Variants in PACSIN2 observed in about 807,000 individuals in gnomAD.
PACSIN2 encodes the protein protein kinase C and casein kinase substrate in neurons protein 2.
Under a neutral mutation model 63.8 loss-of-function variants are expected in PACSIN2, and 25 were observed. The observed-to-expected ratio is 0.39, with a 90% CI of 0.29 to 0.55. PACSIN2 has a LOEUF of 0.55. Among genes scored for constraint, PACSIN2 ranks in the 20% least tolerant of loss-of-function variants. The probability of loss-of-function intolerance (pLI) is 0.62; values close to 1 mark genes in which losing one functional copy is unlikely to be tolerated. For missense variants in PACSIN2, 518 were observed against 646.9 expected, an observed-to-expected ratio of 0.80 and a Z score of 2.16; for synonymous variants, 255 against 256.2, an observed-to-expected ratio of 1.00 and a Z score of 0.05.
chr22:42,995,490 C>A lies in PACSIN2; in HGVS notation c.-78+19531G>T, dbSNP rs1923335411. ...TTTAAAGCAACTTTTCAGGAAGTTA[C>A]TCTGTCCATTGGGCAGGACCTTAAA... On this transcript the variant is annotated intron_variant, in intron 1 of 10. Transcript: ENST00000263246. 2.6e-5 allele frequency among the ~76,000 whole-genome samples: 4 copies of A among 152,154 alleles called. No individual in the cohort carries two copies. In the South Asian group the frequency reaches 8.3e-4, roughly 31 times the overall value.
intron 1 of PACSIN2, among the ~76,000 whole-genome samples, chr22:42,955,733 A>C (rs1168137316): frequency 6.6e-6 from 1 of 152,212 alleles, no homozygotes; most frequent in East Asian, 1.9e-4. Flanking sequence ...CCTGCACAGT[A>C]ATGGTAGGAT....
chr22:42,907,167 G>A (rs1327006971), intron 2 of PACSIN2, among the ~76,000 whole-genome samples: 1 of 152,186 alleles, frequency 6.6e-6, no homozygotes, highest in East Asian at 1.9e-4. Flanking sequence ...TGGAGCCCAG[G>A]GCAGAGCTTC....
At position 42,882,168 on chromosome 22, in the gene PACSIN2, C is replaced by T; in HGVS notation, c.906+16G>A. 3 of 1,613,842 alleles carry T rather than the reference C, an allele frequency of 1.9e-6. No individual in the cohort carries two copies. Among genetic ancestry groups the T allele is most frequent in the Non-Finnish European group, 2.5e-6 (3 of 1,179,956 alleles). ...TCTTCCAGGCTGATGAGCTCATGGG[C>T]ACACCCTCCTCTTACCTCAAACTGC... On this transcript the variant is annotated intron_variant, in intron 7 of 10. Coordinates refer to ENST00000263246, the MANE Select transcript of PACSIN2 (RefSeq NM_001184970.3).
chr22:42,878,333 T>C (rs1022998084), intron 8 of PACSIN2, among the ~76,000 whole-genome samples: 1 of 152,168 alleles, frequency 6.6e-6, no homozygotes, highest in Non-Finnish European at 1.5e-5. Context: ...GGGTGGGGGC[T>C]TCAGTGCCTG....
chr22:42,917,379 G>A (rs1470608131), intron 1 of PACSIN2, among the ~76,000 whole-genome samples: 1 of 152,206 alleles, frequency 6.6e-6, no homozygotes, highest in African/African-American at 2.4e-5. Flanking sequence ...GGACAAGGCA[G>A]AAGGAATGCC....
chr22:42,983,494 A>AAAAAAAC (rs1922382165), intron 1 of PACSIN2, among the ~76,000 whole-genome samples: 1 of 141,148 alleles, frequency 7.1e-6, no homozygotes, highest in South Asian at 2.4e-4. Flanking sequence ...CATCTCAAAA[A>AAAAAAAC]AAAAAAAAAA....
chr22:42,902,569 T>C (rs1047515171), intron 2 of PACSIN2, among the ~76,000 whole-genome samples: 1 of 152,130 alleles, frequency 6.6e-6, no homozygotes, highest in Non-Finnish European at 1.5e-5. Flanking sequence ...CTCAGAGGCA[T>C]GGTCAACCAA....
chr22:42,881,366 C>T (rs1569213474), intron 7 of PACSIN2, among the ~76,000 whole-genome samples: 1 of 152,114 alleles, frequency 6.6e-6, no homozygotes, highest in South Asian at 2.1e-4. Context: ...ACAAAAAGGG[C>T]GAATAGTTTG....
intron 1 of PACSIN2, among the ~76,000 whole-genome samples, chr22:42,958,896 A>C (rs916496660): frequency 5.3e-5 from 8 of 152,258 alleles, no homozygotes; most frequent in Non-Finnish European, 1.2e-4. Flanking sequence ...AAATCTAATT[A>C]GAATTACAGC....
intron 1 of PACSIN2, among the ~76,000 whole-genome samples, chr22:43,014,327 C>G (rs140488927): frequency 3.6e-4 from 7 of 19,482 alleles, no homozygotes; most frequent in East Asian, 5.0e-3. Flanking sequence ...GCCCTACACA[C>G]ACACACACAC....
intron 6 of PACSIN2, 115 bp downstream of exon 6, chr22:42,884,271 G>C (rs372403207): frequency 2.2e-6 from 2 of 913,304 alleles, no homozygotes; most frequent in Non-Finnish European, 3.4e-6. Flanking sequence ...AGGGCGGTGA[G>C]GAGACCTCCT....
chr22:42,877,031 C>T (rs1356487384), intron 8 of PACSIN2, 21 bp from the exon 9 acceptor site: 1 of 1,613,598 alleles, frequency 6.2e-7, no homozygotes, highest in Non-Finnish European at 8.5e-7. Context: ...AGAGAGCTTT[C>T]AGGGGATCCC....
intron 1 of PACSIN2, among the ~76,000 whole-genome samples, chr22:42,951,576 G>A (rs145556282): frequency 6.6e-6 from 1 of 152,226 alleles, no homozygotes; most frequent in African/African-American, 2.4e-5. Context: ...CCCCCGGTTG[G>A]GCTCCTCCAG....
At chr22:42,943,568 C>G (rs939931407) in intron 1 of PACSIN2, among the ~76,000 whole-genome samples, 4 of 152,182 alleles carry the variant, frequency 2.6e-5, no homozygotes, top group African/African-American at 9.7e-5. Flanking sequence ...TCCTGGTTTG[C>G]TGAGTGTTTC....
chr22:42,962,162 C>G (rs951214297), intron 1 of PACSIN2, among the ~76,000 whole-genome samples: 6 of 149,258 alleles, frequency 4.0e-5, no homozygotes, highest in Admixed American at 2.0e-4. Context: ...GTTCCCTCCC[C>G]CAAGCCAGGA....
chr22:42,914,919 T>G (rs1231883310), intron 1 of PACSIN2, among the ~76,000 whole-genome samples: 3 of 152,152 alleles, frequency 2.0e-5, no homozygotes, highest in Non-Finnish European at 4.4e-5. Flanking sequence ...TGGAGTGCAG[T>G]GGCATGATCA....
intron 1 of PACSIN2, among the ~76,000 whole-genome samples, chr22:42,995,810 T>A (rs5759077): frequency 0.19 from 28,859 of 152,032 alleles, 4,426 homozygotes; most frequent in East Asian, 0.72. Flanking sequence ...ACACCTGTAA[T>A]CCCAGCGCTC....
chr22:42,872,416 C>T (rs1928226941), intron 10 of PACSIN2, among the ~76,000 whole-genome samples: 1 of 152,230 alleles, frequency 6.6e-6, no homozygotes, highest in African/African-American at 2.4e-5. Context: ...AAGAAATAGT[C>T]CCAGTGCTGT....
chr22:42,994,469 G>C (rs1923262973), intron 1 of PACSIN2, among the ~76,000 whole-genome samples: 1 of 152,260 alleles, frequency 6.6e-6, no homozygotes, highest in South Asian at 2.1e-4. Flanking sequence ...GCACACCCAA[G>C]CTCTGTCCAC....
Sources: gnomAD v4.1 joint callset for allele counts (sites outside exome capture counted in the v4.1 genomes callset) on GRCh38, gnomAD v4.1.1 for gene constraint, MANE v1.5 for transcripts, NCBI Gene and HGNC (gene_info 2026-07-23, HGNC 2026-07-21) for gene names.